The following MUCL1 variants were observed in gnomAD, a reference collection of about 807,000 sequenced individuals.
The protein encoded by MUCL1 is mucin-like protein 1.
In MUCL1, 11 loss-of-function variants were observed where a neutral mutation model predicts 9.2. The ratio of observed to expected loss-of-function variants is 1.19; its 90% CI spans 0.75 to 1.97. MUCL1 has a LOEUF of 1.97. MUCL1 is among the 30% of genes most tolerant of loss of function. The pLI is 0.00. For missense variants in MUCL1, 144 were observed against 110.9 expected, an observed-to-expected ratio of 1.30 and a Z score of -1.34; for synonymous variants, 48 against 40.5, an observed-to-expected ratio of 1.19 and a Z score of -0.71.
intron 2 of MUCL1, among the ~76,000 whole-genome samples, chr12:54,856,457 G>T (rs539825087): frequency 6.6e-6 from 1 of 152,320 alleles, no homozygotes; most frequent in South Asian, 2.1e-4. Context: ...CTTCTGAGCA[G>T]TAGTCCCTGT....
chr12:54,834,867 C>T (rs1371329352), upstream of MUCL1, among the ~76,000 whole-genome samples: 1 of 151,960 alleles, frequency 6.6e-6, no homozygotes, highest in Non-Finnish European at 1.5e-5. Context: ...ACATTGTATC[C>T]AATATGTAGG....
chr12:54,837,814 A>C (rs1959195694), upstream of MUCL1, among the ~76,000 whole-genome samples: 1 of 152,178 alleles, frequency 6.6e-6, no homozygotes, highest in East Asian at 1.9e-4. Context: ...CTTATATTTT[A>C]GGTGAATCTC....
At chr12:54,843,316 A>G (rs550353446) in intron 1 of MUCL1, among the ~76,000 whole-genome samples, 1 of 152,354 alleles carries the variant, frequency 6.6e-6, no homozygotes, top group East Asian at 1.9e-4. Flanking sequence ...GCTTTAAAAT[A>G]ATGAATGGGT....
intron 1 of MUCL1, among the ~76,000 whole-genome samples, chr12:54,842,623 A>G (rs1424038047): frequency 6.6e-6 from 1 of 152,058 alleles, no homozygotes; most frequent in Non-Finnish European, 1.5e-5. Flanking sequence ...CCTTGAACTT[A>G]TTCTTCCTGT....
At chr12:54,856,958 C>A in intron 3 of MUCL1, 66 bp downstream of exon 3, 2 of 1,601,998 alleles carry the variant, frequency 1.2e-6, no homozygotes, top group Non-Finnish European at 1.7e-6. Context: ...GTTCTCTATT[C>A]TCACAGAGAC....
chr12:54,844,255 T>C (rs774385906), intron 1 of MUCL1, among the ~76,000 whole-genome samples: 1 of 152,094 alleles, frequency 6.6e-6, no homozygotes, highest in Non-Finnish European at 1.5e-5. Flanking sequence ...ATTTTTTTTA[T>C]TGGGGGATAA....
At chr12:54,834,717 T>A (rs757906869), upstream of MUCL1, among the ~76,000 whole-genome samples, 6 of 151,972 alleles carry the variant, frequency 3.9e-5, no homozygotes, top group Non-Finnish European at 7.4e-5. Flanking sequence ...TCCTACATGA[T>A]TGAAATTTTA....
intron 1 of MUCL1, among the ~76,000 whole-genome samples, chr12:54,831,205 A>C (rs1959184970): frequency 6.6e-6 from 1 of 152,054 alleles, no homozygotes; most frequent in Non-Finnish European, 1.5e-5. Flanking sequence ...ATATTTTTCT[A>C]CTCCCAAATG....
upstream of MUCL1, among the ~76,000 whole-genome samples, chr12:54,851,371 C>G (rs2200678): frequency 1.3e-5 from 2 of 151,896 alleles, no homozygotes; most frequent in Non-Finnish European, 2.9e-5. Flanking sequence ...AATCAATACA[C>G]GTAATCCAGC....
upstream of MUCL1, among the ~76,000 whole-genome samples, chr12:54,853,612 T>A (rs926413708): frequency 6.6e-5 from 10 of 152,216 alleles, no homozygotes; most frequent in Admixed American, 6.5e-4. Flanking sequence ...TCACCTTATA[T>A]AAAATTGCTC....
At chr12:54,847,783 A>C (rs568272006) in intron 1 of MUCL1, among the ~76,000 whole-genome samples, 62 of 152,326 alleles carry the variant, frequency 4.1e-4, no homozygotes, top group Admixed American at 8.5e-4. Context: ...AGATGTATTT[A>C]ATTTGAGATT....
chr12:54,857,231 AGTGTGTGTGTGTGTGTGT>A (rs34504933), intron 3 of MUCL1, among the ~76,000 whole-genome samples: 1 of 142,452 alleles, frequency 7.0e-6, no homozygotes, highest in African/African-American at 2.6e-5. Context: ...TAAATCAGGT[AGTGTGTGTGTGTGTGTGT>A]GTGTGTGTGT....
At chr12:54,852,609 C>G (rs1051206176), upstream of MUCL1, among the ~76,000 whole-genome samples, 1 of 152,176 alleles carries the variant, frequency 6.6e-6, no homozygotes, top group African/African-American at 2.4e-5. Flanking sequence ...GGGACCCTAA[C>G]TGATACATAT....
intron 1 of MUCL1, among the ~76,000 whole-genome samples, chr12:54,841,461 C>G (rs1169613902): frequency 2.0e-5 from 3 of 152,192 alleles, no homozygotes; most frequent in Non-Finnish European, 2.9e-5. Flanking sequence ...CTCCTACAAA[C>G]AGTATACAAA....
rs778680853 is a variant in MUCL1, at chr12:54,856,869, C to T, written c.200C>T (p.Thr67Ile). The change falls in exon 3 of 4, where the codon ACC (threonine) becomes ATC (isoleucine). Residue 67 changes from threonine (T) to isoleucine (I), a missense_variant. Transcript: ENST00000308796. ...APTTATTAAS[T>I]TARKDIPVLP... Reference sequence around the variant, plus strand: ...ACCACTGCAACCACCGCTGCTTCTACCACTGCTCGTAAAGACATTCCAGGT... The same window carrying T: ...ACCACTGCAACCACCGCTGCTTCTATCACTGCTCGTAAAGACATTCCAGGT... 1.2e-6 allele frequency: 2 copies of T among 1,613,710 alleles called. No homozygotes were observed. Among genetic ancestry groups the T allele is most frequent in the East Asian group, 4.5e-5 (2 of 44,878 alleles).
intron 1 of MUCL1, among the ~76,000 whole-genome samples, chr12:54,847,160 T>C (rs2046687): frequency 0.036 from 5,549 of 152,320 alleles, 185 homozygotes; most frequent in African/African-American, 0.089. Flanking sequence ...CCTTCCTTCC[T>C]TCCTTCTTTC....
At chr12:54,857,450 C>A (rs1036969209) in intron 3 of MUCL1, among the ~76,000 whole-genome samples, 9 of 152,120 alleles carry the variant, frequency 5.9e-5, no homozygotes, top group African/African-American at 2.2e-4. Context: ...GATCAATGTA[C>A]ATTCCTCCTA....
intron 1 of MUCL1, 25 bp from the exon 2 acceptor site, chr12:54,855,090 CT>C: frequency 6.2e-7 from 1 of 1,610,418 alleles, no homozygotes; most frequent in Non-Finnish European, 8.5e-7. Flanking sequence ...CAGCTAACAT[CT>C]TAATTTTTCC....
chr12:54,847,349 C>T (rs1306110364), intron 1 of MUCL1, among the ~76,000 whole-genome samples: 2 of 152,214 alleles, frequency 1.3e-5, no homozygotes, highest in African/African-American at 4.8e-5. Context: ...GGCACAGTGG[C>T]TCACGCCTGT....
Sources: allele counts gnomAD v4.1 joint callset (sites outside exome capture counted in the v4.1 genomes callset), GRCh38; gene constraint gnomAD v4.1.1; transcripts MANE v1.5; gene names NCBI Gene and HGNC (gene_info 2026-07-23, HGNC 2026-07-21).